Variants in PLCL1 observed in about 807,000 individuals in gnomAD.
PLCL1 encodes phospholipase C like 1 (inactive).
In PLCL1, 41 loss-of-function variants were observed where a neutral mutation model predicts 84.4. The observed-to-expected ratio is 0.49, with a 90% CI of 0.38 to 0.63. The LOEUF (loss-of-function observed/expected upper bound fraction) is 0.63, where lower values mean the gene tolerates loss of function less well. PLCL1 is among the 30% of genes least tolerant of loss of function. PLCL1 has a pLI of 0.00. For synonymous variants in PLCL1, 490 were observed against 488.3 expected, an observed-to-expected ratio of 1.00 and a Z score of -0.05; for missense variants, 1,206 against 1,367.8, an observed-to-expected ratio of 0.88 and a Z score of 1.87.
At chr2:197,956,856 C>G (rs1486476285) in intron 1 of PLCL1, among the ~76,000 whole-genome samples, 1 of 151,844 alleles carries the variant, frequency 6.6e-6, no homozygotes, top group African/African-American at 2.4e-5. Flanking sequence ...AAAATTTTCT[C>G]CCATTCTGTA....
intron 1 of PLCL1, among the ~76,000 whole-genome samples, chr2:197,931,447 C>G (rs751306433): frequency 1.3e-5 from 2 of 152,132 alleles, no homozygotes; most frequent in African/African-American, 2.4e-5. Context: ...AGGCAGTCTA[C>G]ACCGGCTGAT....
chr2:197,959,483 A>G (rs113742381), intron 1 of PLCL1, among the ~76,000 whole-genome samples: 1 of 152,170 alleles, frequency 6.6e-6, no homozygotes, highest in Non-Finnish European at 1.5e-5. Flanking sequence ...AAAATTATTC[A>G]TCATTTGACT....
intron 5 of PLCL1, among the ~76,000 whole-genome samples, chr2:198,112,141 G>A (rs1210403432): frequency 6.6e-6 from 1 of 151,892 alleles, no homozygotes; most frequent in Non-Finnish European, 1.5e-5. Context: ...CATCTGCCCA[G>A]TAGTCACATT....
At chr2:197,927,008 A>G (rs1688844685) in intron 1 of PLCL1, among the ~76,000 whole-genome samples, 1 of 152,160 alleles carries the variant, frequency 6.6e-6, no homozygotes, top group East Asian at 1.9e-4. Flanking sequence ...TTGCTTCTTC[A>G]TATGGTTTGT....
At chr2:198,013,798 A>C (rs188111694) in intron 1 of PLCL1, among the ~76,000 whole-genome samples, 1 of 152,168 alleles carries the variant, frequency 6.6e-6, no homozygotes, top group Non-Finnish European at 1.5e-5. Flanking sequence ...GCTGAAGTAA[A>C]TTAAAACAAT....
intron 1 of PLCL1, among the ~76,000 whole-genome samples, chr2:197,955,463 A>G (rs1456861779): frequency 6.7e-6 from 1 of 148,910 alleles, no homozygotes; most frequent in East Asian, 2.0e-4. Flanking sequence ...ATACATGTGC[A>G]GAACATGCAG....
At chr2:198,075,170 CTGCTGTGCAG>C (rs1430965187) in intron 1 of PLCL1, among the ~76,000 whole-genome samples, 1 of 152,200 alleles carries the variant, frequency 6.6e-6, no homozygotes, top group Non-Finnish European at 1.5e-5. Flanking sequence ...TTCCTGGGCC[CTGCTGTGCAG>C]GGGTCTCCTG....
chr2:197,875,208 C>T (rs1329593290), intron 1 of PLCL1, among the ~76,000 whole-genome samples: 1 of 152,006 alleles, frequency 6.6e-6, no homozygotes, highest in East Asian at 1.9e-4. Flanking sequence ...ATCACTTGAA[C>T]CCAGGAGGTG....
At chr2:198,019,880 A>G (rs906055836) in intron 1 of PLCL1, among the ~76,000 whole-genome samples, 3 of 152,228 alleles carry the variant, frequency 2.0e-5, no homozygotes, top group African/African-American at 7.2e-5. Context: ...TTCAGGAAAT[A>G]CAGAAAACAC....
intron 1 of PLCL1, among the ~76,000 whole-genome samples, chr2:197,925,206 A>G (rs946986618): frequency 2.0e-5 from 3 of 152,216 alleles, no homozygotes; most frequent in Non-Finnish European, 4.4e-5. Context: ...ATCTGTATTT[A>G]TATGGGTGAT....
intron 1 of PLCL1, among the ~76,000 whole-genome samples, chr2:198,026,733 GC>G (rs1489045188): frequency 6.6e-6 from 1 of 152,076 alleles, no homozygotes; most frequent in Non-Finnish European, 1.5e-5. Flanking sequence ...CAAATGGCTG[GC>G]AGGCCATTTT....
intron 1 of PLCL1, among the ~76,000 whole-genome samples, chr2:197,855,464 C>T (rs993948891): frequency 2.0e-5 from 3 of 152,146 alleles, no homozygotes; most frequent in Admixed American, 6.6e-5. Flanking sequence ...TATTAATAAG[C>T]CTTTTTCTTG....
chr2:197,933,249 C>CT (rs968317075), intron 1 of PLCL1, among the ~76,000 whole-genome samples: 20 of 140,578 alleles, frequency 1.4e-4, no homozygotes, highest in Admixed American at 2.8e-4. Flanking sequence ...TGTGTTGTTT[C>CT]TTTTTTTTTT....
chr2:197,990,289 G>C (rs1263517454), intron 1 of PLCL1, among the ~76,000 whole-genome samples: 2 of 152,186 alleles, frequency 1.3e-5, no homozygotes, highest in Admixed American at 1.3e-4. Flanking sequence ...TGCAATTGCA[G>C]GTGCTGGATA....
At chr2:197,908,341 A>G (rs550388549) in intron 1 of PLCL1, among the ~76,000 whole-genome samples, 20 of 152,342 alleles carry the variant, frequency 1.3e-4, no homozygotes, top group African/African-American at 3.4e-4. Flanking sequence ...TTTCGCTTAC[A>G]TATTTCTAGC....
chr2:197,876,833 A>G (rs1014826283), intron 1 of PLCL1, among the ~76,000 whole-genome samples: 42 of 152,204 alleles, frequency 2.8e-4, no homozygotes, highest in African/African-American at 9.6e-4. Context: ...ACTGAGCTGC[A>G]TACAGCCTGT....
At chr2:197,894,481 G>A (rs911344951) in intron 1 of PLCL1, among the ~76,000 whole-genome samples, 1 of 152,000 alleles carries the variant, frequency 6.6e-6, no homozygotes, top group African/African-American at 2.4e-5. Flanking sequence ...AAGAGAAGGG[G>A]TGCTGGATTC....
chr2:198,078,584 A>G lies in PLCL1; in HGVS notation c.241-5174A>G, dbSNP rs151025159. Among the ~76,000 whole-genome samples the G allele has an allele frequency of 5.4e-3, 826 of 152,164 alleles. 8 individuals carry two copies. Among genetic ancestry groups the G allele is most frequent in the African/African-American group, 0.018 (762 of 41,556 alleles). On this transcript the variant is annotated intron_variant, in intron 1 of 5. Coordinates refer to ENST00000428675, the MANE Select transcript of PLCL1 (RefSeq NM_006226.4). ...TATAAATCTTTCCCTCCCTTACACT[A>G]TGTAGCTGGAGTTCAGTGTTATGAA...
intron 1 of PLCL1, among the ~76,000 whole-genome samples, chr2:198,058,796 A>G (rs1665351070): frequency 6.6e-6 from 1 of 152,104 alleles, no homozygotes; most frequent in East Asian, 1.9e-4. Flanking sequence ...TGATTGCTTT[A>G]TTTTATTTTA....
Sources: allele counts gnomAD v4.1 joint callset (sites outside exome capture counted in the v4.1 genomes callset), GRCh38; gene constraint gnomAD v4.1.1; transcripts MANE v1.5; gene names NCBI Gene and HGNC (gene_info 2026-07-23, HGNC 2026-07-21).